WWTR1: variants seen among roughly 807,000 people sequenced by gnomAD.
WWTR1 encodes the protein WW domain containing transcription regulator 1, also known as WW domain-containing transcription regulator protein 1.
Under a neutral mutation model 40.1 loss-of-function variants are expected in WWTR1, and 13 were observed. The observed-to-expected ratio is 0.32, with a 90% CI of 0.21 to 0.52. The LOEUF is 0.52. Ranked by LOEUF, WWTR1 falls within the 20% of genes least tolerant of loss-of-function variation. WWTR1 has a pLI of 0.97. For missense variants in WWTR1, 436 were observed against 523.1 expected (o/e 0.83, Z 1.63); for synonymous variants, 230 against 210.1 (o/e 1.09, Z -0.82).
chr3:149,615,092 T>C (rs1739911598), intron 2 of WWTR1, among the ~76,000 whole-genome samples: 1 of 152,256 alleles, frequency 6.6e-6, no homozygotes, highest in Non-Finnish European at 1.5e-5. Flanking sequence ...GTTTTGCATA[T>C]GCACCTAAGT....
intron 2 of WWTR1, among the ~76,000 whole-genome samples, chr3:149,625,935 C>A (rs1437558193): frequency 6.6e-6 from 1 of 152,178 alleles, no homozygotes; most frequent in African/African-American, 2.4e-5. Flanking sequence ...CCTGAGTTTA[C>A]CATTTAAGTA....
intron 1 of WWTR1, among the ~76,000 whole-genome samples, chr3:149,693,555 G>C (rs901100970): frequency 2.6e-5 from 4 of 152,114 alleles, no homozygotes; most frequent in African/African-American, 7.2e-5. Context: ...AAAACTGGAG[G>C]AATCACATTA....
At chr3:149,597,198 A>C (rs1174718735) in intron 2 of WWTR1, among the ~76,000 whole-genome samples, 1 of 152,214 alleles carries the variant, frequency 6.6e-6, no homozygotes, top group East Asian at 1.9e-4. Flanking sequence ...GCCAAGGATC[A>C]AAAAGACTCA....
chr3:149,629,412 C>T (rs926103811), intron 2 of WWTR1, among the ~76,000 whole-genome samples: 6 of 152,194 alleles, frequency 3.9e-5, no homozygotes, highest in East Asian at 1.9e-4. Flanking sequence ...GTCAGTATTT[C>T]CTACGCTGGG....
At chr3:149,539,170 T>C (rs554957293) in intron 4 of WWTR1, among the ~76,000 whole-genome samples, 1 of 152,140 alleles carries the variant, frequency 6.6e-6, no homozygotes, top group African/African-American at 2.4e-5. Context: ...TGGCACAACA[T>C]CATCAAACTA....
intron 6 of WWTR1, chr3:149,525,791 C>A: frequency 6.5e-6 from 2 of 310,000 alleles, no homozygotes; most frequent in Non-Finnish European, 1.2e-5. Context: ...GGGTGAAAAA[C>A]AAACTATTGG....
At chr3:149,659,567 T>G (rs902826580), upstream of WWTR1, 29 of 152,166 alleles carry the variant, frequency 1.9e-4, no homozygotes, top group Admixed American at 1.8e-3. Flanking sequence ...AATCCTGACT[T>G]CAGGTGATCC....
intron 2 of WWTR1, among the ~76,000 whole-genome samples, chr3:149,602,128 C>A (rs1172802342): frequency 1.3e-5 from 2 of 152,078 alleles, no homozygotes; most frequent in East Asian, 3.9e-4. Context: ...TCAAATAATG[C>A]TGGGGGAAAA....
chr3:149,520,628 C>G lies in WWTR1; in HGVS notation c.*177G>C. ...AAATAGAATATTTATTTATGTTTAA[C>G]TTAAGTTACTCTCAATCAAAACCAG... On this transcript the variant is annotated 3_prime_UTR_variant, in exon 7 of 7. Coordinates refer to ENST00000360632, the MANE Select transcript of WWTR1 (RefSeq NM_015472.6). 1.0e-5 allele frequency: 5 copies of G among 483,602 alleles called. No homozygotes were observed. Among genetic ancestry groups the G allele is most frequent in the Non-Finnish European group, 1.1e-5 (3 of 284,058 alleles). The allele number at this position is 483,602 out of a possible 1,614,324, so 30.0% of individuals were successfully genotyped here.
At chr3:149,712,694 A>C (rs771015752) in intron 5 of WWTR1, among the ~76,000 whole-genome samples, 1 of 152,216 alleles carries the variant, frequency 6.6e-6, no homozygotes, top group African/African-American at 2.4e-5. Flanking sequence ...CCAGGAGCTA[A>C]TTCCTATGGA....
chr3:149,681,932 G>A (rs976972456), intron 1 of WWTR1, among the ~76,000 whole-genome samples: 34 of 152,340 alleles, frequency 2.2e-4, no homozygotes, highest in African/African-American at 7.9e-4. Context: ...TTTCAGTTAT[G>A]TGAGATGAAT....
rs575176245 is a variant in WWTR1, at chr3:149,569,057, C to A, written c.568+3807G>T. Among the ~76,000 whole-genome samples the A allele has an allele frequency of 1.7e-3, 258 of 152,276 alleles. 1 individual carries two copies. The highest frequency in any genetic ancestry group is 2.7e-3 in the Non-Finnish European group (186 of 68,016). On this transcript the variant is annotated intron_variant, in intron 3 of 6. Coordinates refer to ENST00000360632, the MANE Select transcript of WWTR1 (RefSeq NM_015472.6). Reference sequence around the variant, plus strand: ...CTGGGATTACAGGTGTGAGCCACCGCGCCCGGCATCTAAAGCTCTTATAAA... The same window carrying A: ...CTGGGATTACAGGTGTGAGCCACCGAGCCCGGCATCTAAAGCTCTTATAAA...
chr3:149,603,962 T>A (rs1450415488), intron 2 of WWTR1, among the ~76,000 whole-genome samples: 3 of 152,054 alleles, frequency 2.0e-5, no homozygotes, highest in Admixed American at 6.6e-5. Context: ...ATAGATTTTA[T>A]GTTGTATTCA....
At chr3:149,647,057 T>C (rs371224383) in intron 2 of WWTR1, among the ~76,000 whole-genome samples, 1 of 151,632 alleles carries the variant, frequency 6.6e-6, no homozygotes, top group Admixed American at 6.6e-5. Context: ...AAAAAGAAGG[T>C]GCAGAAGAGT....
At chr3:149,529,918 T>C (rs1006158080) in intron 4 of WWTR1, among the ~76,000 whole-genome samples, 1 of 152,204 alleles carries the variant, frequency 6.6e-6, no homozygotes, top group African/African-American at 2.4e-5. Context: ...ACATGAACTT[T>C]ACTAGAATAT....
At chr3:149,537,843 G>A (rs1735906563) in intron 4 of WWTR1, among the ~76,000 whole-genome samples, 1 of 152,164 alleles carries the variant, frequency 6.6e-6, no homozygotes, top group Admixed American at 6.5e-5. Flanking sequence ...GTAGTTTTGG[G>A]GGGAAGTCTG....
intron 4 of WWTR1, among the ~76,000 whole-genome samples, chr3:149,533,871 A>G (rs1027707765): frequency 1.3e-5 from 2 of 152,230 alleles, no homozygotes; most frequent in Non-Finnish European, 2.9e-5. Flanking sequence ...CAAGCTGCTG[A>G]TAGTGTTAAA....
intron 2 of WWTR1, among the ~76,000 whole-genome samples, chr3:149,632,807 T>C (rs1711607801): frequency 6.6e-6 from 1 of 152,248 alleles, no homozygotes; most frequent in Non-Finnish European, 1.5e-5. Context: ...CATAAAAGAC[T>C]ACATATCATA....
Position 149,520,683 on chromosome 3 carries a change from A to C in WWTR1, c.*122T>G. On this transcript the variant is annotated 3_prime_UTR_variant, in exon 7 of 7. Transcript: ENST00000360632. ...TGATTAAACTGGCAACATAAAAAGG[A>C]GGGAGCACGAGTCATGGAGGCGGGA... The C allele has an allele frequency of 1.2e-6, 1 of 854,358 alleles. No individual in the cohort carries two copies. 52.9% of individuals were successfully genotyped at this position (854,358 alleles called of 1,614,324 possible).
Sources: gnomAD v4.1 joint callset for allele counts (sites outside exome capture counted in the v4.1 genomes callset) on GRCh38, gnomAD v4.1.1 for gene constraint, MANE v1.5 for transcripts, NCBI Gene and HGNC (gene_info 2026-07-23, HGNC 2026-07-21) for gene names.